The following MYO5B variants were observed in gnomAD, a reference collection of about 807,000 sequenced individuals.
MYO5B encodes the protein unconventional myosin-Vb.
MYO5B carries 143 observed loss-of-function variants against 229.3 expected under a neutral mutation model. The ratio of observed to expected loss-of-function variants is 0.62; its 90% CI spans 0.54 to 0.72. The LOEUF (loss-of-function observed/expected upper bound fraction) is 0.72. MYO5B is among the 30% of genes least tolerant of loss of function. MYO5B has a pLI of 0.00. For missense variants in MYO5B, 2,321 were observed against 2,331.0 expected, an observed-to-expected ratio of 1.00 and a Z score of 0.09; for synonymous variants, 918 against 885.2, an observed-to-expected ratio of 1.04 and a Z score of -0.66.
chr18:50,193,160 G>C (rs780384784), intron 1 of MYO5B, among the ~76,000 whole-genome samples: 5 of 152,226 alleles, frequency 3.3e-5, no homozygotes, highest in Non-Finnish European at 5.9e-5. Context: ...CGGCTTCAGT[G>C]AAAGAACTGA....
At chr18:49,901,257 G>A (rs544153054) in intron 21 of MYO5B, among the ~76,000 whole-genome samples, 14 of 152,344 alleles carry the variant, frequency 9.2e-5, no homozygotes, top group African/African-American at 3.1e-4. Flanking sequence ...TCCAATAAAG[G>A]TCTTCTGAAG....
chr18:49,930,114 C>T (rs2025173501), intron 16 of MYO5B, among the ~76,000 whole-genome samples: 1 of 152,198 alleles, frequency 6.6e-6, no homozygotes, highest in African/African-American at 2.4e-5. Context: ...CACTTCATGT[C>T]CCCTTGGGCC....
At chr18:49,872,344 ACCC>A in intron 26 of MYO5B, 112 bp from the exon 27 acceptor site, 1 of 979,822 alleles carries the variant, frequency 1.0e-6, no homozygotes, top group Non-Finnish European at 1.6e-6. Context: ...AATACCCAAC[ACCC>A]CCACCCTCCA....
At chr18:50,008,412 T>C (rs1458875822) in intron 4 of MYO5B, among the ~76,000 whole-genome samples, 1 of 152,192 alleles carries the variant, frequency 6.6e-6, no homozygotes, top group Non-Finnish European at 1.5e-5. Context: ...AGGGCTGTTA[T>C]GTATAGCAGT....
At chr18:49,964,517 T>C (rs1301387716) in intron 10 of MYO5B, among the ~76,000 whole-genome samples, 1 of 152,216 alleles carries the variant, frequency 6.6e-6, no homozygotes, top group Non-Finnish European at 1.5e-5. Flanking sequence ...TCCAGTGTTC[T>C]CCCCATCTGG....
chr18:50,186,728 G>A (rs2033154610), intron 1 of MYO5B, among the ~76,000 whole-genome samples: 1 of 152,168 alleles, frequency 6.6e-6, no homozygotes, highest in Non-Finnish European at 1.5e-5. Flanking sequence ...CATGGATTAG[G>A]ATTATAAGCC....
chr18:50,189,150 G>C (rs1007664172), intron 1 of MYO5B, among the ~76,000 whole-genome samples: 1 of 152,220 alleles, frequency 6.6e-6, no homozygotes, highest in African/African-American at 2.4e-5. Flanking sequence ...AAGCCCTTGA[G>C]ATTCTCAACA....
chr18:50,145,739 C>CACT (rs2032492082), intron 1 of MYO5B, among the ~76,000 whole-genome samples: 1 of 152,044 alleles, frequency 6.6e-6, no homozygotes. Flanking sequence ...CTGAACCTAC[C>CACT]ACTGGCTGTC....
intron 1 of MYO5B, among the ~76,000 whole-genome samples, chr18:50,067,265 T>G (rs111910622): frequency 2.6e-5 from 4 of 152,310 alleles, no homozygotes; most frequent in African/African-American, 7.2e-5. Context: ...TGAGGAGTTA[T>G]GAAGTAAATG....
intron 14 of MYO5B, among the ~76,000 whole-genome samples, chr18:49,947,098 GCT>G (rs1287069330): frequency 4.0e-5 from 5 of 125,238 alleles, no homozygotes; most frequent in Middle Eastern, 4.5e-3. Context: ...TAGTCACCAA[GCT>G]CTTTTTTTTT....
intron 1 of MYO5B, among the ~76,000 whole-genome samples, chr18:50,123,025 G>T (rs184542133): frequency 1.6e-4 from 25 of 152,248 alleles, no homozygotes; most frequent in Middle Eastern, 3.4e-3. Context: ...GAAAGTGAAT[G>T]GCAGCATTAT....
At position 49,872,200 on chromosome 18, in the gene MYO5B, G is replaced by A. The variant is rs1397185837; in HGVS notation, c.3570C>T (p.Asp1190=). ...TATTGTAGGCCAGATCTGCATTCGG[G>A]TCCAAATCTATGTCAGTCTGTGGTG... is the stretch of plus-strand genomic sequence containing the variant. ...AEPPQTDIDL[D]PNADLAYNSL... The change falls in exon 27 of 40, where the codon GAC becomes GAT. Residue 1190 remains aspartate, a synonymous_variant. Transcript: ENST00000285039. The A allele has an allele frequency of 6.2e-7, 1 of 1,614,096 alleles. No homozygotes were observed. Among genetic ancestry groups the A allele is most frequent in the Admixed American group, 1.7e-5 (1 of 60,010 alleles).
intron 15 of MYO5B, 120 bp from the exon 16 acceptor site, chr18:49,936,469 T>G (rs894541161): frequency 2.5e-6 from 2 of 811,420 alleles, no homozygotes; most frequent in Non-Finnish European, 2.1e-6. Flanking sequence ...TCCAGAAGGA[T>G]GGAAGAAATT....
chr18:50,017,954 T>C (rs2026233937), intron 4 of MYO5B, among the ~76,000 whole-genome samples: 1 of 152,224 alleles, frequency 6.6e-6, no homozygotes, highest in Non-Finnish European at 1.5e-5. Flanking sequence ...GAAACGAATT[T>C]AGGGATTTAA....
At chr18:50,173,212 C>T (rs2032943709) in intron 1 of MYO5B, among the ~76,000 whole-genome samples, 1 of 151,606 alleles carries the variant, frequency 6.6e-6, no homozygotes, top group South Asian at 2.1e-4. Context: ...TTGCAGTGAG[C>T]CAAGATCACA....
At chr18:49,899,933 TTTTTA>T (rs2024822193) in intron 21 of MYO5B, among the ~76,000 whole-genome samples, 1 of 149,970 alleles carries the variant, frequency 6.7e-6, no homozygotes, top group Non-Finnish European at 1.5e-5. Context: ...TTTTATTTTT[TTTTTA>T]AATAGGCCAT....
At chr18:50,153,704 C>A (rs1266519929) in intron 1 of MYO5B, among the ~76,000 whole-genome samples, 2 of 152,220 alleles carry the variant, frequency 1.3e-5, no homozygotes, top group African/African-American at 4.8e-5. Flanking sequence ...CCCGCCTCAG[C>A]CTCCCAAAGT....
intron 1 of MYO5B, among the ~76,000 whole-genome samples, chr18:50,161,539 G>A (rs532082156): frequency 7.1e-6 from 1 of 140,526 alleles, no homozygotes; most frequent in South Asian, 2.6e-4. Flanking sequence ...GGGTGGGGGG[G>A]CACAGGAGTC....
At chr18:50,158,095 A>G (rs2032710177) in intron 1 of MYO5B, among the ~76,000 whole-genome samples, 1 of 152,216 alleles carries the variant, frequency 6.6e-6, no homozygotes, top group Admixed American at 6.5e-5. Context: ...CATTTCCCTG[A>G]AAACCTTAAA....
Sources: allele counts gnomAD v4.1 joint callset (sites outside exome capture counted in the v4.1 genomes callset), GRCh38; gene constraint gnomAD v4.1.1; transcripts MANE v1.5; gene names NCBI Gene and HGNC (gene_info 2026-07-23, HGNC 2026-07-21).